Variants in PIGN observed in about 807,000 individuals in gnomAD.
PIGN encodes the protein GPI ethanolamine phosphate transferase 1.
In PIGN, 117 loss-of-function variants were observed where a neutral mutation model predicts 125.4. The ratio of observed to expected loss-of-function variants is 0.93; its 90% CI spans 0.80 to 1.09. The LOEUF is 1.09. Among genes scored for constraint, PIGN ranks in the 50% least tolerant of loss-of-function variants. PIGN has a pLI of 0.00. For missense variants in PIGN, 1,075 were observed against 1,094.9 expected, an observed-to-expected ratio of 0.98 and a Z score of 0.26; for synonymous variants, 392 against 377.8, an observed-to-expected ratio of 1.04 and a Z score of -0.44.
At chr18:62,086,907 T>C (rs2033733343) in intron 25 of PIGN, among the ~76,000 whole-genome samples, 1 of 152,076 alleles carries the variant, frequency 6.6e-6, no homozygotes, top group East Asian at 1.9e-4. Context: ...AAGTTGGATG[T>C]CTTGGGGACT....
At chr18:62,047,144 G>GA (rs1344976127) in intron 30 of PIGN, among the ~76,000 whole-genome samples, 3 of 152,234 alleles carry the variant, frequency 2.0e-5, no homozygotes, top group East Asian at 1.9e-4. Flanking sequence ...AAACACCACA[G>GA]AAAAAATGTG....
intron 23 of PIGN, among the ~76,000 whole-genome samples, chr18:62,095,265 T>C (rs1360130388): frequency 6.6e-6 from 1 of 152,222 alleles, no homozygotes; most frequent in Non-Finnish European, 1.5e-5. Flanking sequence ...TCAAAGTTAA[T>C]GGACAGAGTA....
intron 12 of PIGN, 141 bp downstream of exon 12, chr18:62,140,279 C>T (rs564387504): frequency 3.0e-5 from 13 of 434,192 alleles, no homozygotes; most frequent in Admixed American, 1.6e-4. Flanking sequence ...CCCAGAAGTT[C>T]AAGACCAGCC....
chr18:62,185,581 G>A (rs140914313), intron 1 of PIGN, among the ~76,000 whole-genome samples: 1 of 51,360 alleles, frequency 1.9e-5, no homozygotes, highest in Non-Finnish European at 4.8e-5. Flanking sequence ...TGTAAGAATC[G>A]TCTATTTTAA....
chr18:62,031,699 A>G (rs891181292), intron 23 of PIGN, among the ~76,000 whole-genome samples: 2 of 152,100 alleles, frequency 1.3e-5, no homozygotes, highest in Non-Finnish European at 2.9e-5. Flanking sequence ...TTTCTTTGGG[A>G]CCATTTTTTT....
At chr18:62,157,937 A>T (rs2036801012) in intron 4 of PIGN, 129 bp from the exon 5 acceptor site, 1 of 861,380 alleles carries the variant, frequency 1.2e-6, no homozygotes, top group Admixed American at 2.9e-5. Flanking sequence ...TTAAGAAGGA[A>T]AGGAATTTTT....
At chr18:62,137,168 C>T in intron 14 of PIGN, 1 of 398,642 alleles carries the variant, frequency 2.5e-6, no homozygotes, top group Non-Finnish European at 4.4e-6. Flanking sequence ...AGTTTTCCAG[C>T]CTCATATTTC....
At chr18:62,035,870 CT>C (rs954680826) in intron 23 of PIGN, among the ~76,000 whole-genome samples, 1 of 152,260 alleles carries the variant, frequency 6.6e-6, no homozygotes, top group Admixed American at 6.5e-5. Context: ...CCAAAAAAGG[CT>C]TTACTTTTCT....
intron 27 of PIGN, among the ~76,000 whole-genome samples, chr18:62,083,474 G>T (rs1226447223): frequency 2.0e-5 from 3 of 152,048 alleles, no homozygotes; most frequent in African/African-American, 4.8e-5. Flanking sequence ...TCAAGTGAAG[G>T]ACATATGAAT....
At chr18:62,058,366 C>T (rs1000178646) in intron 30 of PIGN, among the ~76,000 whole-genome samples, 2 of 152,238 alleles carry the variant, frequency 1.3e-5, no homozygotes, top group Admixed American at 6.5e-5. Flanking sequence ...ACCAAGTGAC[C>T]GGAAAGTTCT....
intron 3 of PIGN, 95 bp downstream of exon 3, chr18:62,162,158 T>C (rs2036977044): frequency 6.6e-6 from 1 of 152,202 alleles, no homozygotes; most frequent in Admixed American, 6.5e-5. Flanking sequence ...TCGAGTTCTC[T>C]GTAAGTTCAT....
intron 14 of PIGN, among the ~76,000 whole-genome samples, chr18:62,121,551 T>A (rs780131373): frequency 2.0e-5 from 3 of 152,182 alleles, no homozygotes; most frequent in Non-Finnish European, 4.4e-5. Flanking sequence ...TCTATTTATC[T>A]GAATGGATGG....
chr18:62,178,868 C>T (rs1049990961), intron 1 of PIGN, among the ~76,000 whole-genome samples: 4 of 152,072 alleles, frequency 2.6e-5, no homozygotes, highest in African/African-American at 7.2e-5. Context: ...GATTCCTGCC[C>T]ACTTGAGTTC....
At chr18:62,084,827 G>A (rs917112332) in intron 26 of PIGN, among the ~76,000 whole-genome samples, 1 of 152,200 alleles carries the variant, frequency 6.6e-6, no homozygotes, top group African/African-American at 2.4e-5. Flanking sequence ...CAAGGTGCAG[G>A]CTGGGTGCCG....
chr18:62,095,594 T>G (rs1380876826), intron 23 of PIGN, among the ~76,000 whole-genome samples: 2 of 152,158 alleles, frequency 1.3e-5, no homozygotes, highest in Non-Finnish European at 2.9e-5. Flanking sequence ...TATAGTTAAA[T>G]GGTATTTTAG....
rs887685790 is a variant in PIGN at position 62,042,366 on chromosome 18, A to C, written c.*3490T>G. ...AAAAAGAAACTATTTTTATTATGAC[A>C]TTTATTTGTATTACAAGGAACCAAT... On this transcript the variant is annotated 3_prime_UTR_variant, in exon 31 of 31. Coordinates refer to ENST00000640252, the MANE Select transcript of PIGN (RefSeq NM_176787.5). 1 of 152,178 alleles carries C rather than the reference A, an allele frequency of 6.6e-6. No individual in the cohort carries two copies. Among genetic ancestry groups the C allele is most frequent in the Non-Finnish European group, 1.5e-5 (1 of 68,014 alleles). The allele number at this position is 152,178 out of a possible 1,614,324, so 9.4% of individuals were successfully genotyped here. A position where few individuals can be genotyped will look rare whatever the true frequency, so the allele number is the denominator to read the frequency against.
rs1424409321 is a variant in PIGN, at chr18:62,146,676, T to C, written c.805+295A>G. 2.0e-5 allele frequency among the ~76,000 whole-genome samples: 3 copies of C among 152,188 alleles called. 1 individual carries two copies. The East Asian group carries it at 5.8e-4, about 29-fold the overall frequency. ...GTAACACCATCTTAACGTCACTCCC[T>C]TTGCCATCATATACAGTTAATTCTC... On this transcript the variant is annotated intron_variant, in intron 9 of 30. Coordinates refer to ENST00000640252, the MANE Select transcript of PIGN (RefSeq NM_176787.5).
chr18:62,161,797 C>T (rs993096106), intron 3 of PIGN, among the ~76,000 whole-genome samples: 2 of 152,136 alleles, frequency 1.3e-5, no homozygotes, highest in African/African-American at 4.8e-5. Flanking sequence ...GTACATATGA[C>T]AATCATTGCC....
In PIGN at chr18:62,045,791, C is replaced by A; in HGVS notation, c.*65G>T. On this transcript the variant is annotated 3_prime_UTR_variant, in exon 31 of 31. Coordinates refer to ENST00000640252, the MANE Select transcript of PIGN (RefSeq NM_176787.5). ...ATCCATATCCATCTTCTTATTGAAG[C>A]CTTGATGAGATTTTAGCTTAAAAGG... 6.5e-7 allele frequency: 1 copy of A among 1,538,130 alleles called. No individual in the cohort carries two copies. The highest frequency in any genetic ancestry group is 8.9e-7 in the Non-Finnish European group (1 of 1,117,540).
Sources: gnomAD v4.1 joint callset for allele counts (sites outside exome capture counted in the v4.1 genomes callset) on GRCh38, gnomAD v4.1.1 for gene constraint, MANE v1.5 for transcripts, NCBI Gene and HGNC (gene_info 2026-07-23, HGNC 2026-07-21) for gene names.